FAM135B: variants seen among roughly 807,000 people sequenced by gnomAD.
The protein encoded by FAM135B is family with sequence similarity 135 member B, also known as protein FAM135B.
FAM135B carries 43 observed loss-of-function variants against 127.7 expected under a neutral mutation model. The ratio of observed to expected loss-of-function variants is 0.34; its 90% CI spans 0.26 to 0.43. FAM135B has a LOEUF of 0.43. Among genes scored for constraint, FAM135B ranks in the 20% least tolerant of loss-of-function variants. FAM135B has a pLI of 1.00. For missense variants in FAM135B, 1,558 were observed against 1,725.6 expected (o/e 0.90, Z 1.72); for synonymous variants, 670 against 665.1 (o/e 1.01, Z -0.11).
intron 1 of FAM135B, among the ~76,000 whole-genome samples, chr8:138,460,483 C>T (rs550494900): frequency 1.2e-4 from 19 of 152,198 alleles, no homozygotes; most frequent in Non-Finnish European, 2.6e-4. Flanking sequence ...TTCACACCAA[C>T]AGGGCCTTCA....
chr8:138,196,624 G>C (rs1816654496), intron 8 of FAM135B, among the ~76,000 whole-genome samples: 1 of 152,214 alleles, frequency 6.6e-6, no homozygotes, highest in Non-Finnish European at 1.5e-5. Context: ...CTCAGCAGTT[G>C]AGGTCTAGGG....
Position 138,290,110 on chromosome 8 carries a change from G to A in FAM135B, c.157+20731C>T, listed in dbSNP as rs114824635. On this transcript the variant is annotated intron_variant, in intron 3 of 19. Transcript: ENST00000395297. ...TGAGTGCTCAATAGAGCTTTGCATGGGGGGTCCACATCATGAATCATCACC... is the reference window on the plus strand; with the variant it reads ...TGAGTGCTCAATAGAGCTTTGCATGAGGGGTCCACATCATGAATCATCACC... 6.2e-4 allele frequency among the ~76,000 whole-genome samples: 95 copies of A among 152,288 alleles called. 1 individual carries two copies. Among genetic ancestry groups the A allele is most frequent in the African/African-American group, 2.3e-3 (94 of 41,574 alleles).
chr8:138,222,760 A>G (rs914833099), intron 7 of FAM135B, among the ~76,000 whole-genome samples: 2 of 149,498 alleles, frequency 1.3e-5, no homozygotes, highest in African/African-American at 4.9e-5. Context: ...TTTAAAAAAG[A>G]TTCTGAAAAG....
At chr8:138,324,465 A>T (rs1230405060) in intron 2 of FAM135B, among the ~76,000 whole-genome samples, 1 of 152,218 alleles carries the variant, frequency 6.6e-6, no homozygotes, top group African/African-American at 2.4e-5. Flanking sequence ...TTAAAAGTCC[A>T]AACAAAATTA....
chr8:138,205,795 G>T (rs1287577869), intron 7 of FAM135B, among the ~76,000 whole-genome samples: 2 of 151,308 alleles, frequency 1.3e-5, no homozygotes, highest in African/African-American at 4.9e-5. Context: ...ATTCCACAGA[G>T]TGTATCTGAG....
intron 2 of FAM135B, among the ~76,000 whole-genome samples, chr8:138,338,198 G>C (rs1472662204): frequency 6.6e-6 from 1 of 151,976 alleles, no homozygotes; most frequent in African/African-American, 2.4e-5. Context: ...CATAGGCATA[G>C]GCAAGGACTT....
chr8:138,272,117 T>G (rs541110556), intron 3 of FAM135B, among the ~76,000 whole-genome samples: 3 of 152,128 alleles, frequency 2.0e-5, no homozygotes, highest in Non-Finnish European at 2.9e-5. Context: ...GATAAAACAA[T>G]GATGAGGAAT....
chr8:138,247,128 C>T (rs947285736), intron 6 of FAM135B, among the ~76,000 whole-genome samples: 1 of 152,132 alleles, frequency 6.6e-6, no homozygotes, highest in Admixed American at 6.5e-5. Flanking sequence ...AAGGGACTTG[C>T]CTTGTCTCAG....
chr8:138,216,705 A>G (rs11994147), intron 7 of FAM135B, among the ~76,000 whole-genome samples: 2,922 of 152,290 alleles, frequency 0.019, 101 homozygotes, highest in African/African-American at 0.062. Context: ...TCTAAGCCCC[A>G]TTTAAGAGCC....
intron 1 of FAM135B, among the ~76,000 whole-genome samples, chr8:138,475,256 A>G (rs1313796360): frequency 1.3e-5 from 2 of 152,048 alleles, no homozygotes; most frequent in African/African-American, 4.8e-5. Flanking sequence ...GTTGGTTTTC[A>G]CACCACCCAC....
intron 3 of FAM135B, among the ~76,000 whole-genome samples, chr8:138,282,315 G>A (rs1824325776): frequency 6.6e-6 from 1 of 151,950 alleles, no homozygotes; most frequent in Non-Finnish European, 1.5e-5. Flanking sequence ...AAAAAGAGAA[G>A]AACTGATAAG....
chr8:138,256,236 A>C (rs2130539057), intron 5 of FAM135B, among the ~76,000 whole-genome samples: 1 of 152,332 alleles, frequency 6.6e-6, no homozygotes, highest in African/African-American at 2.4e-5. Context: ...TTTAATGAGC[A>C]GGTTATAGAT....
chr8:138,242,506 A>G lies in FAM135B; in HGVS notation c.669+436T>C, dbSNP rs924066072. 6.6e-6 allele frequency among the ~76,000 whole-genome samples: 1 copy of G among 152,076 alleles called. No homozygotes were observed. Among genetic ancestry groups the G allele is most frequent in the Non-Finnish European group, 1.5e-5 (1 of 68,020 alleles). On this transcript the variant is annotated intron_variant, in intron 7 of 19. Coordinates refer to ENST00000395297, the MANE Select transcript of FAM135B (RefSeq NM_015912.4). This position sits in a 1 kb window ranked among gnomAD's most constrained non-coding sequence, Gnocchi z 9.6. ...TTATTACAACATTTGGGTACATATA[A>G]CACTCCATGAGATTATTAGCTATTG...
chr8:138,464,650 T>C (rs1377434919), intron 1 of FAM135B, among the ~76,000 whole-genome samples: 1 of 152,154 alleles, frequency 6.6e-6, no homozygotes, highest in East Asian at 1.9e-4. Context: ...AAAACCAGAA[T>C]GGAAGGATTT....
chr8:138,255,046 T>TTTTG (rs1164389115), intron 5 of FAM135B, among the ~76,000 whole-genome samples: 16 of 150,626 alleles, frequency 1.1e-4, no homozygotes, highest in African/African-American at 3.9e-4. Context: ...TTTTTTTTTT[T>TTTTG]TGAGACACAG....
At chr8:138,171,944 G>A (rs1391550499) in intron 11 of FAM135B, among the ~76,000 whole-genome samples, 2 of 152,180 alleles carry the variant, frequency 1.3e-5, no homozygotes, top group Non-Finnish European at 2.9e-5. Context: ...AGGTGGAGGT[G>A]TGCATGTGTG....
At position 138,141,389 on chromosome 8, in the gene FAM135B, G is replaced by GA; in HGVS notation, c.3639-41dup. 1 of 1,607,228 alleles carries GA rather than the reference G, an allele frequency of 6.2e-7. No homozygotes were observed. The highest frequency in any genetic ancestry group is 8.5e-7 in the Non-Finnish European group (1 of 1,174,700). ...AAGGGGTACCCATGAGTGTGACGGT[G>GA]AATGCTGCTGCCCAAGAGTGCAGTG... On this transcript the variant is annotated intron_variant, in intron 16 of 19. Coordinates refer to ENST00000395297, the MANE Select transcript of FAM135B (RefSeq NM_015912.4). This position sits in a 1 kb window ranked among gnomAD's most constrained non-coding sequence, Gnocchi z 4.7.
chr8:138,484,344 G>C (rs1041956880), intron 1 of FAM135B, among the ~76,000 whole-genome samples: 3 of 152,142 alleles, frequency 2.0e-5, no homozygotes, highest in Non-Finnish European at 4.4e-5. Flanking sequence ...TTTATTGGCT[G>C]AGAGGGAAAT....
At chr8:138,169,228 C>A (rs1315667370) in intron 11 of FAM135B, among the ~76,000 whole-genome samples, 1 of 151,610 alleles carries the variant, frequency 6.6e-6, no homozygotes, top group African/African-American at 2.4e-5. Context: ...GGATCTTAAC[C>A]CACCACAAGG....
Sources: gnomAD v4.1 joint callset for allele counts (sites outside exome capture counted in the v4.1 genomes callset) on GRCh38, gnomAD v4.1.1 for gene constraint, Gnocchi (gnomAD v3.1) non-coding constraint, MANE v1.5 for transcripts, NCBI Gene and HGNC (gene_info 2026-07-23, HGNC 2026-07-21) for gene names.